Variants in SYN3 observed in about 807,000 individuals in gnomAD.
SYN3 encodes synapsin III.
In SYN3, 35 loss-of-function variants were observed where a neutral mutation model predicts 65.8. That is an observed-to-expected ratio of 0.53 (90% CI 0.41 to 0.70). The LOEUF (loss-of-function observed/expected upper bound fraction) is 0.70, where lower values mean the gene tolerates loss of function less well. SYN3 is among the 30% of genes least tolerant of loss of function. The pLI, the probability that SYN3 is intolerant of heterozygous loss-of-function variation, is 0.00. For synonymous variants in SYN3, 270 were observed against 292.9 expected, an observed-to-expected ratio of 0.92 and a Z score of 0.80; for missense variants, 680 against 749.0, an observed-to-expected ratio of 0.91 and a Z score of 1.08.
intron 6 of SYN3, among the ~76,000 whole-genome samples, chr22:32,737,682 C>A (rs1413378633): frequency 6.6e-6 from 1 of 152,208 alleles, no homozygotes; most frequent in Admixed American, 6.5e-5. Flanking sequence ...GGTGAGGGAG[C>A]TATATCTATT....
intron 6 of SYN3, among the ~76,000 whole-genome samples, chr22:32,640,636 G>A (rs1000850527): frequency 1.3e-5 from 2 of 152,156 alleles, no homozygotes; most frequent in Non-Finnish European, 2.9e-5. Flanking sequence ...GGTGGCCGAG[G>A]TGGGCGGGTC....
rs2058118803 is a variant in SYN3, at chr22:32,533,879, C to T, written c.1009G>A (p.Asp337Asn). 2 of 1,613,332 alleles carry T rather than the reference C, an allele frequency of 1.2e-6. No individual in the cohort carries two copies. Among genetic ancestry groups the T allele is most frequent in the Non-Finnish European group, 1.7e-6 (2 of 1,179,618 alleles). ...CCGCCAAACATTTCCGAGCAGCTGTCCACCCACAGCCTGTACCTGCAGGGA... is the reference window on the plus strand; with the variant it reads ...CCGCCAAACATTTCCGAGCAGCTGTTCACCCACAGCCTGTACCTGCAGGGA... ...AMTERYRLWVDSCSEMFGGLD... is the reference protein window; with the variant it reads ...AMTERYRLWVNSCSEMFGGLD... The change falls in exon 10 of 14, where the codon GAC becomes AAC. Residue 337 changes from aspartate (D) to asparagine (N), a missense_variant. Coordinates refer to ENST00000358763, the MANE Select transcript of SYN3 (RefSeq NM_003490.4).
chr22:32,972,978 C>T (rs577033944), intron 3 of SYN3, among the ~76,000 whole-genome samples: 5 of 152,158 alleles, frequency 3.3e-5, no homozygotes, highest in Non-Finnish European at 5.9e-5. Context: ...CATTGCACTA[C>T]AGCCTGGGTG....
At chr22:32,682,642 G>A (rs1343501073) in intron 6 of SYN3, among the ~76,000 whole-genome samples, 1 of 152,230 alleles carries the variant, frequency 6.6e-6, no homozygotes, top group African/African-American at 2.4e-5. Context: ...TTGGATTGGA[G>A]TTAAGTTGTT....
chr22:33,048,957 C>T (rs375018084), intron 1 of SYN3, among the ~76,000 whole-genome samples: 1 of 152,176 alleles, frequency 6.6e-6, no homozygotes, highest in African/African-American at 2.4e-5. Flanking sequence ...ATGCAGACAA[C>T]TTCTTTTTTG....
At chr22:32,918,776 C>T (rs1360342006) in intron 4 of SYN3, among the ~76,000 whole-genome samples, 1 of 152,172 alleles carries the variant, frequency 6.6e-6, no homozygotes, top group African/African-American at 2.4e-5. Context: ...AACACAGACA[C>T]CATGGACATG....
At chr22:32,746,129 A>G (rs2044925057) in intron 6 of SYN3, among the ~76,000 whole-genome samples, 1 of 152,198 alleles carries the variant, frequency 6.6e-6, no homozygotes, top group Non-Finnish European at 1.5e-5. Context: ...CGGTCAGTTC[A>G]CAGAGTTGCT....
intron 6 of SYN3, among the ~76,000 whole-genome samples, chr22:32,668,815 A>G (rs2060325117): frequency 1.3e-5 from 2 of 152,182 alleles, no homozygotes; most frequent in African/African-American, 4.8e-5. Context: ...CATCTGCCCC[A>G]TGAAAGGCCC....
chr22:32,578,759 T>A (rs1244486066), intron 7 of SYN3, among the ~76,000 whole-genome samples: 1 of 152,198 alleles, frequency 6.6e-6, no homozygotes, highest in Non-Finnish European at 1.5e-5. Context: ...TATTCCTCAT[T>A]GGGGTTTATT....
chr22:32,514,067 C>T (rs891404820), intron 13 of SYN3, among the ~76,000 whole-genome samples: 11 of 152,138 alleles, frequency 7.2e-5, no homozygotes, highest in African/African-American at 2.7e-4. Flanking sequence ...GTAACTTGCT[C>T]CGGTCCTCAC....
At chr22:32,621,614 C>A (rs1042925056) in intron 6 of SYN3, among the ~76,000 whole-genome samples, 2 of 152,190 alleles carry the variant, frequency 1.3e-5, no homozygotes, top group Non-Finnish European at 2.9e-5. Context: ...GTGCTGGGAA[C>A]TGCTTCTCGG....
At chr22:32,857,682 T>C (rs368827166) in intron 6 of SYN3, among the ~76,000 whole-genome samples, 28 of 152,326 alleles carry the variant, frequency 1.8e-4, no homozygotes, top group East Asian at 5.8e-4. Context: ...TTGAAAGTTA[T>C]TCATCTTTAG....
chr22:32,533,361 T>C (rs1245974156), intron 10 of SYN3, among the ~76,000 whole-genome samples: 1 of 152,036 alleles, frequency 6.6e-6, no homozygotes, highest in Non-Finnish European at 1.5e-5. Context: ...GCCACACCCA[T>C]GCTTAGCCCA....
chr22:32,596,558 ACT>A, intron 7 of SYN3, 114 bp downstream of exon 7: 1 of 1,019,200 alleles, frequency 9.8e-7, no homozygotes, highest in Non-Finnish European at 1.5e-6. Context: ...TCTTTCTAAC[ACT>A]CTGTTCTGGG....
At chr22:32,927,257 T>C (rs1031532454) in intron 4 of SYN3, among the ~76,000 whole-genome samples, 6 of 136,736 alleles carry the variant, frequency 4.4e-5, no homozygotes, top group Non-Finnish European at 7.7e-5. Context: ...GCTATTAATA[T>C]ATTTACTTTT....
chr22:32,911,548 G>C (rs1192956600), intron 4 of SYN3, among the ~76,000 whole-genome samples: 4 of 152,086 alleles, frequency 2.6e-5, no homozygotes, highest in South Asian at 2.1e-4. Flanking sequence ...GGGATGGGAG[G>C]GGGGCAGCAG....
At chr22:32,942,002 T>C (rs1468655942) in intron 3 of SYN3, among the ~76,000 whole-genome samples, 5 of 152,172 alleles carry the variant, frequency 3.3e-5, no homozygotes, top group African/African-American at 4.8e-5. Context: ...CCTACCTCTG[T>C]AGACTCCACC....
intron 6 of SYN3, among the ~76,000 whole-genome samples, chr22:32,747,107 A>C (rs905529668): frequency 3.9e-5 from 6 of 152,154 alleles, no homozygotes; most frequent in Admixed American, 3.9e-4. Flanking sequence ...ACTTTACATA[A>C]TATTTCCACA....
chr22:32,985,972 C>A (rs576862173), intron 2 of SYN3, among the ~76,000 whole-genome samples: 1 of 152,084 alleles, frequency 6.6e-6, no homozygotes. Flanking sequence ...GCTGCACTTA[C>A]AACCATTCCA....
Sources: allele counts gnomAD v4.1 joint callset (sites outside exome capture counted in the v4.1 genomes callset), GRCh38; gene constraint gnomAD v4.1.1; transcripts MANE v1.5; gene names NCBI Gene and HGNC (gene_info 2026-07-23, HGNC 2026-07-21).